Variants in GFI1B observed in about 807,000 individuals in gnomAD.
GFI1B encodes the protein zinc finger protein Gfi-1b.
Under a neutral mutation model 35.3 loss-of-function variants are expected in GFI1B, and 20 were observed. The observed-to-expected ratio is 0.57, with a 90% CI of 0.40 to 0.82. The LOEUF (loss-of-function observed/expected upper bound fraction) is 0.82. Ranked by LOEUF, GFI1B falls within the 40% of genes least tolerant of loss-of-function variation. GFI1B has a pLI of 0.00. For synonymous variants in GFI1B, 178 were observed against 177.6 expected (o/e 1.00, Z -0.02); for missense variants, 430 against 446.3 (o/e 0.96, Z 0.33).
chr9:132,985,915 G>A (rs936829255), intron 1 of GFI1B, among the ~76,000 whole-genome samples: 6 of 152,168 alleles, frequency 3.9e-5, no homozygotes, highest in African/African-American at 1.4e-4. Flanking sequence ...TAGAATTGGG[G>A]TCCACTGTGT....
chr9:132,950,535 G>A (rs1490117998), intron 1 of GFI1B, among the ~76,000 whole-genome samples: 3 of 145,012 alleles, frequency 2.1e-5, no homozygotes, highest in Non-Finnish European at 4.5e-5. Context: ...GGTGGCTCAC[G>A]CCTGTAATCC....
At chr9:132,978,174 A>G (rs1848688729), upstream of GFI1B, among the ~76,000 whole-genome samples, 3 of 144,012 alleles carry the variant, frequency 2.1e-5, no homozygotes, top group Admixed American at 7.0e-5. Flanking sequence ...GAAGAGAGAG[A>G]GAGGAGAGGA....
chr9:132,977,010 T>C (rs888510825), upstream of GFI1B, among the ~76,000 whole-genome samples: 7 of 152,222 alleles, frequency 4.6e-5, no homozygotes, highest in Non-Finnish European at 1.0e-4. Flanking sequence ...CAGGCTGAAG[T>C]GCAATGGTGC....
At chr9:132,955,449 C>T (rs1848268047) in intron 1 of GFI1B, among the ~76,000 whole-genome samples, 1 of 152,096 alleles carries the variant, frequency 6.6e-6, no homozygotes, top group Non-Finnish European at 1.5e-5. Flanking sequence ...GTCACCATGA[C>T]CAGCTACTTT....
At chr9:132,947,567 G>T (rs1195357865) in intron 1 of GFI1B, among the ~76,000 whole-genome samples, 1 of 152,050 alleles carries the variant, frequency 6.6e-6, no homozygotes, top group African/African-American at 2.4e-5. Context: ...CTAGCAATTT[G>T]GGAGGCCAAG....
At chr9:132,992,617 C>G (rs1437609177), downstream of GFI1B, among the ~76,000 whole-genome samples, 1 of 152,170 alleles carries the variant, frequency 6.6e-6, no homozygotes, top group Non-Finnish European at 1.5e-5. Context: ...TTTTTGAAGT[C>G]CTGTCCATCC....
chr9:132,977,435 C>T (rs1377652211), upstream of GFI1B, among the ~76,000 whole-genome samples: 1 of 152,158 alleles, frequency 6.6e-6, no homozygotes, highest in African/African-American at 2.4e-5. Context: ...GCAGAAAGAC[C>T]TCGCCTGAAA....
intron 1 of GFI1B, among the ~76,000 whole-genome samples, chr9:132,950,093 C>T (rs1482433805): frequency 2.0e-5 from 3 of 152,162 alleles, no homozygotes; most frequent in Non-Finnish European, 4.4e-5. Context: ...GCCTGAGTGA[C>T]AGAGTAAGAC....
chr9:132,974,842 G>A (rs1748939765), upstream of GFI1B, among the ~76,000 whole-genome samples: 1 of 152,198 alleles, frequency 6.6e-6, no homozygotes, highest in Non-Finnish European at 1.5e-5. Flanking sequence ...GGCACGAGAA[G>A]TGCCAATGAC....
chr9:132,989,676 G>A lies in GFI1B; in HGVS notation c.649-66G>A. The A allele has an allele frequency of 7.3e-7, 1 of 1,375,884 alleles. No homozygotes were observed. 85.2% of individuals were successfully genotyped at this position (1,375,884 alleles called of 1,614,324 possible). A position where few individuals can be genotyped will look rare whatever the true frequency, so the allele number is the denominator to read the frequency against. ...CCCAATGGAGTGTCCTGTTCCGCAG[G>A]GGATCCCGGCCGGGTCCAGTCCTGA... On this transcript the variant is annotated intron_variant, in intron 5 of 6. Transcript: ENST00000372122. The surrounding 1 kb of genome is among the most constrained non-coding windows in gnomAD (Gnocchi z 6.2).
intron 1 of GFI1B, among the ~76,000 whole-genome samples, chr9:132,954,089 G>A (rs564912382): frequency 1.3e-5 from 2 of 151,924 alleles, no homozygotes; most frequent in Admixed American, 6.6e-5. Flanking sequence ...TATTATTTTT[G>A]CTGTAAAGAA....
rs602793 is a variant in GFI1B at position 132,989,472 on chromosome 9, A to G, written c.649-270A>G. Among the ~76,000 whole-genome samples, 10,846 of 152,294 alleles carry G rather than the reference A, an allele frequency of 0.071. 1,342 individuals carry two copies. Among genetic ancestry groups the G allele is most frequent in the African/African-American group, 0.25 (10,183 of 41,536 alleles). On this transcript the variant is annotated intron_variant, in intron 5 of 6. Transcript: ENST00000372122. This position sits in a 1 kb window ranked among gnomAD's most constrained non-coding sequence, Gnocchi z 6.2. ...GGTCATGAAATGTGAACCCCTAAAG[A>G]ACCTCTGAGATCAGTCAGTCCATCA...
intron 3 of GFI1B, 85 bp from the exon 4 acceptor site, chr9:132,988,112 C>A: frequency 7.7e-7 from 1 of 1,295,400 alleles, no homozygotes; most frequent in Non-Finnish European, 1.1e-6. Flanking sequence ...TCCCAAAGTG[C>A]TGGAATTGCA....
downstream of GFI1B, among the ~76,000 whole-genome samples, chr9:132,992,644 C>A (rs536938131): frequency 6.6e-6 from 1 of 152,178 alleles, no homozygotes; most frequent in Non-Finnish European, 1.5e-5. Flanking sequence ...GCCCACTTAG[C>A]CATCTCCTCC....
At position 132,989,986 on chromosome 9, in the gene GFI1B, G is replaced by T; in HGVS notation, c.814+79G>T. On this transcript the variant is annotated intron_variant, in intron 6 of 6. Coordinates refer to ENST00000372122, the MANE Select transcript of GFI1B (RefSeq NM_001377304.1). The surrounding 1 kb of genome is among the most constrained non-coding windows in gnomAD (Gnocchi z 6.2). Reference sequence around the variant, plus strand: ...CTGAGAGATGCATCAGAGGCCCCCAGCGTGAGGCTGGGGGCGGGGTCTAGT... The same window carrying T: ...CTGAGAGATGCATCAGAGGCCCCCATCGTGAGGCTGGGGGCGGGGTCTAGT... 2 of 1,299,810 alleles carry T rather than the reference G, an allele frequency of 1.5e-6. No individual in the cohort carries two copies. The highest frequency in any genetic ancestry group is 2.4e-5 in the South Asian group (2 of 82,564). The allele number at this position is 1,299,810 out of a possible 1,614,324, so 80.5% of individuals were successfully genotyped here.
chr9:132,978,362 G>T (rs1283821683), upstream of GFI1B: 2 of 152,128 alleles, frequency 1.3e-5, no homozygotes, highest in East Asian at 1.9e-4. Flanking sequence ...AAACCAAAGA[G>T]CAATGACTTC....
chr9:132,989,898 A>G lies in GFI1B; in HGVS notation c.805A>G (p.Ile269Val), dbSNP rs543334869. 1.1e-5 allele frequency: 18 copies of G among 1,614,022 alleles called. 1 individual carries two copies. In the South Asian group the frequency reaches 1.6e-4, roughly 15 times the overall value. Residue 269 changes from isoleucine (I) to valine (V), a missense_variant, in exon 6 of 7, where the codon ATC becomes GTC. Coordinates refer to ENST00000372122, the MANE Select transcript of GFI1B (RefSeq NM_001377304.1). This position sits in a 1 kb window ranked among gnomAD's most constrained non-coding sequence, Gnocchi z 6.2. ...QKSDMKKHTY[I>V]HTGEKPHKCQ... ...GTCCGACATGAAGAAGCACACCTAC[A>G]TCCACACAGGTGAGTGAGTCTCACC...
chr9:132,956,363 C>T (rs146854318), intron 1 of GFI1B, among the ~76,000 whole-genome samples: 8 of 152,138 alleles, frequency 5.3e-5, no homozygotes, highest in African/African-American at 1.9e-4. Context: ...TTCCGTGAAT[C>T]GTCTTCTAAA....
intron 1 of GFI1B, among the ~76,000 whole-genome samples, chr9:132,970,433 G>A (rs886811072): frequency 1.3e-5 from 2 of 152,088 alleles, no homozygotes; most frequent in African/African-American, 4.8e-5. Flanking sequence ...GAACACACAC[G>A]CACGCATGCA....
Sources: gnomAD v4.1 joint callset for allele counts (sites outside exome capture counted in the v4.1 genomes callset) on GRCh38, gnomAD v4.1.1 for gene constraint, Gnocchi (gnomAD v3.1) non-coding constraint, MANE v1.5 for transcripts, NCBI Gene and HGNC (gene_info 2026-07-23, HGNC 2026-07-21) for gene names.